MINDY4: variants seen among roughly 807,000 people sequenced by gnomAD.
The protein encoded by MINDY4 is MINDY lysine 48 deubiquitinase 4, also known as probable ubiquitin carboxyl-terminal hydrolase MINDY-4.
In MINDY4, 68 loss-of-function variants were observed where a neutral mutation model predicts 87.0. That is an observed-to-expected ratio of 0.78 (90% CI 0.64 to 0.96). The LOEUF (loss-of-function observed/expected upper bound fraction) is 0.96, where lower values mean the gene tolerates loss of function less well. Among genes scored for constraint, MINDY4 ranks in the 40% least tolerant of loss-of-function variants. MINDY4 has a pLI of 0.00. For synonymous variants in MINDY4, 379 were observed against 363.2 expected (o/e 1.04, Z -0.50); for missense variants, 919 against 928.2 (o/e 0.99, Z 0.13).
chr7:30,791,088 C>T, intron 4 of MINDY4, 77 bp from the exon 5 acceptor site: 1 of 1,357,558 alleles, frequency 7.4e-7, no homozygotes, highest in Admixed American at 2.2e-5. Context: ...ACATCATGGG[C>T]AAATGCTTGA....
At chr7:30,863,774 C>T (rs1171336609) in intron 13 of MINDY4, among the ~76,000 whole-genome samples, 1 of 152,200 alleles carries the variant, frequency 6.6e-6, no homozygotes, top group Non-Finnish European at 1.5e-5. Context: ...TGTGCAAAGC[C>T]TTGTGAAGGT....
chr7:30,887,302 GC>G (rs1790662457), intron 17 of MINDY4, among the ~76,000 whole-genome samples: 1 of 152,164 alleles, frequency 6.6e-6, no homozygotes, highest in Non-Finnish European at 1.5e-5. Context: ...ACACACACCT[GC>G]CCTGTGCTGG....
chr7:30,869,983 C>T (rs1790052778), intron 13 of MINDY4, among the ~76,000 whole-genome samples: 1 of 152,184 alleles, frequency 6.6e-6, no homozygotes, highest in Non-Finnish European at 1.5e-5. Flanking sequence ...GTCTGGGCAT[C>T]TAGGTTTGTA....
chr7:30,791,282 G>C lies in MINDY4; in HGVS notation c.781G>C (p.Ala261Pro). 1.2e-6 allele frequency: 2 copies of C among 1,614,168 alleles called. No homozygotes were observed. The highest frequency in any genetic ancestry group is 1.7e-6 in the Non-Finnish European group (2 of 1,180,038). Residue 261 changes from alanine to proline, a missense_variant, in exon 5 of 18, where the codon GCT becomes CCT. Transcript: ENST00000265299. ...TGTCTGCACCCAACAGGACATTCTG[G>C]CTTCGAGCAACAGCTCCCCCTCCAG... ...LFVCTQQDIL[A>P]SSNSSPSRTS... is the part of the protein sequence containing the mutation.
Position 30,850,517 on chromosome 7 carries a change from G to A in MINDY4, c.1509G>A (p.Val503=), listed in dbSNP as rs370489567. ...TCGTCCTGGCCCTCGCAGACATTGT[G>A]TGGCGGGCAGGGGGCCGAGAGAGAG... ...RCLVLALADI[V]WRAGGRERAV... Residue 503 remains valine, a synonymous_variant, in exon 10 of 18, where the codon GTG becomes GTA. Transcript: ENST00000265299. 69 of 1,611,160 alleles carry A rather than the reference G, an allele frequency of 4.3e-5. No homozygotes were observed. Among genetic ancestry groups the A allele is most frequent in the Middle Eastern group, 1.7e-4 (1 of 6,040 alleles).
rs1223837190 is a variant in MINDY4 at position 30,828,870 on chromosome 7, G to C, written c.1132+133G>C. On this transcript the variant is annotated intron_variant, in intron 6 of 17. Transcript: ENST00000265299. Reference sequence around the variant, plus strand: ...TCAGCGAGTGGGGCTGGTCAAGTGAGTAGAGTAGACTACTCTCTCTCTGAT... The same window carrying C: ...TCAGCGAGTGGGGCTGGTCAAGTGACTAGAGTAGACTACTCTCTCTCTGAT... 6 of 755,882 alleles carry C rather than the reference G, an allele frequency of 7.9e-6. No individual in the cohort carries two copies. In the East Asian group the frequency reaches 1.5e-4, roughly 19 times the overall value. The allele number at this position is 755,882 out of a possible 1,614,324, so 46.8% of individuals were successfully genotyped here.
At chr7:30,810,119 C>T (rs1247560448) in intron 5 of MINDY4, among the ~76,000 whole-genome samples, 13 of 131,212 alleles carry the variant, frequency 9.9e-5, no homozygotes, top group East Asian at 4.6e-4. Context: ...GAGGTTGTGG[C>T]GAGCCGAGAT....
At chr7:30,889,228 AGAT>A (rs1425486962) in intron 17 of MINDY4, among the ~76,000 whole-genome samples, 1 of 152,232 alleles carries the variant, frequency 6.6e-6, no homozygotes, top group Non-Finnish European at 1.5e-5. Flanking sequence ...CAAACTGCAA[AGAT>A]GATGAACAGA....
At chr7:30,864,281 G>A (rs1041226269) in intron 13 of MINDY4, among the ~76,000 whole-genome samples, 6 of 152,220 alleles carry the variant, frequency 3.9e-5, no homozygotes, top group African/African-American at 1.4e-4. Flanking sequence ...CTCTCCTCAA[G>A]AGATTAAAAG....
At chr7:30,865,639 A>G (rs1789910392) in intron 13 of MINDY4, among the ~76,000 whole-genome samples, 1 of 152,240 alleles carries the variant, frequency 6.6e-6, no homozygotes, top group Non-Finnish European at 1.5e-5. Flanking sequence ...GCTTAGCCTC[A>G]GCGGGAGCTG....
chr7:30,879,552 C>T (rs373526363), intron 15 of MINDY4, among the ~76,000 whole-genome samples: 1 of 152,228 alleles, frequency 6.6e-6, no homozygotes, highest in South Asian at 2.1e-4. Flanking sequence ...CACCTCAGCC[C>T]GCACCACTCT....
intron 14 of MINDY4, among the ~76,000 whole-genome samples, chr7:30,873,971 G>A (rs900811704): frequency 2.6e-5 from 4 of 152,184 alleles, no homozygotes; most frequent in Non-Finnish European, 5.9e-5. Flanking sequence ...ATCAGAGGAG[G>A]CCTCTTTTAC....
At chr7:30,844,008 C>G (rs1239748388) in intron 9 of MINDY4, among the ~76,000 whole-genome samples, 1 of 152,162 alleles carries the variant, frequency 6.6e-6, no homozygotes, top group Non-Finnish European at 1.5e-5. Flanking sequence ...CCTTCTCCAG[C>G]GAGCCTGGAA....
Position 30,890,428 on chromosome 7 carries a change from C to T in MINDY4, c.2226-1529C>T, listed in dbSNP as rs186956385. Among the ~76,000 whole-genome samples, 468 of 152,332 alleles carry T rather than the reference C, an allele frequency of 3.1e-3. 5 individuals carry two copies. The highest frequency in any genetic ancestry group is 0.011 in the African/African-American group (440 of 41,570). On this transcript the variant is annotated intron_variant, in intron 17 of 17. Transcript: ENST00000265299. ...GCAATATTAATTGTTCCCAAATGGG[C>T]TGCATGCAAATAACTTCCACACCAA...
intron 14 of MINDY4, among the ~76,000 whole-genome samples, chr7:30,872,845 C>T (rs180842837): frequency 6.6e-6 from 1 of 152,224 alleles, no homozygotes; most frequent in African/African-American, 2.4e-5. Flanking sequence ...AGGGAAGGGA[C>T]CTTTTCAAGA....
intron 5 of MINDY4, among the ~76,000 whole-genome samples, chr7:30,823,097 A>T (rs1010274446): frequency 1.3e-5 from 2 of 151,884 alleles, no homozygotes; most frequent in African/African-American, 4.8e-5. Context: ...GATGTTGTAT[A>T]TTTCCTGTTA....
intron 17 of MINDY4, among the ~76,000 whole-genome samples, 159 bp downstream of exon 17, chr7:30,883,152 G>T (rs928524980): frequency 6.6e-6 from 1 of 152,192 alleles, no homozygotes; most frequent in Non-Finnish European, 1.5e-5. Context: ...TCCACTCGTG[G>T]TCACTGGGGC....
intron 5 of MINDY4, among the ~76,000 whole-genome samples, chr7:30,793,171 T>C (rs1179310371): frequency 6.7e-6 from 1 of 148,150 alleles, no homozygotes; most frequent in Non-Finnish European, 1.5e-5. Context: ...TGTTTATATA[T>C]GTATTATTCT....
chr7:30,778,646 G>A, intron 2 of MINDY4, 95 bp downstream of exon 2: 1 of 1,441,556 alleles, frequency 6.9e-7, no homozygotes, highest in Non-Finnish European at 9.7e-7. Context: ...AGAGGCTTGA[G>A]GTTCTCCTGG....
Sources: gnomAD v4.1 joint callset for allele counts (sites outside exome capture counted in the v4.1 genomes callset) on GRCh38, gnomAD v4.1.1 for gene constraint, MANE v1.5 for transcripts, NCBI Gene and HGNC (gene_info 2026-07-23, HGNC 2026-07-21) for gene names.